ATIC: variants seen among roughly 807,000 people sequenced by gnomAD.
ATIC encodes bifunctional purine biosynthesis protein ATIC.
A neutral mutation model predicts 72.5 loss-of-function variants in ATIC; 64 were observed. That is an observed-to-expected ratio of 0.88 (90% CI 0.72 to 1.09). ATIC has a LOEUF of 1.09. Among genes scored for constraint, ATIC ranks in the 50% least tolerant of loss-of-function variants. ATIC has a pLI of 0.00. For synonymous variants in ATIC, 281 were observed against 267.1 expected (o/e 1.05, Z -0.51); for missense variants, 787 against 732.4 (o/e 1.07, Z -0.86).
chr2:215,336,174 C>A, intron 11 of ATIC, 50 bp downstream of exon 11: 1 of 1,363,874 alleles, frequency 7.3e-7, no homozygotes, highest in South Asian at 1.2e-5. Flanking sequence ...TATTCTGTGT[C>A]TCTTTCTCCC....
At chr2:215,313,782 T>C (rs1215207493) in intron 2 of ATIC, among the ~76,000 whole-genome samples, 1 of 152,156 alleles carries the variant, frequency 6.6e-6, no homozygotes, top group Non-Finnish European at 1.5e-5. Flanking sequence ...AACAAATACA[T>C]AACTGTATAT....
chr2:215,349,669 T>A lies in ATIC; in HGVS notation c.*14T>A. 1.9e-6 allele frequency: 3 copies of A among 1,614,150 alleles called. No homozygotes were observed. The highest frequency in any genetic ancestry group is 1.1e-5 in the South Asian group (1 of 91,082). On this transcript the variant is annotated 3_prime_UTR_variant, in exon 16 of 16. Transcript: ENST00000236959. The stretch of plus-strand genomic sequence containing the variant: ...TTCCACCACTGATTTTACCACACAC[T>A]GTTTTTTGGCTTGCTTATGTGTAGG...
downstream of ATIC, among the ~76,000 whole-genome samples, chr2:215,354,631 A>G (rs915209793): frequency 1.3e-5 from 2 of 152,004 alleles, no homozygotes; most frequent in Admixed American, 6.6e-5. Context: ...CCTACAATGT[A>G]TCCATTCTGC....
rs547121196 is a variant in ATIC, at chr2:215,327,558, A to G, written c.688+580A>G. The stretch of plus-strand genomic sequence containing the variant: ...TTTGTAGAGTTTAGAGAGGGTTTTT[A>G]AATGTGTGTCCTGTTCTGTTCCAAA... On this transcript the variant is annotated intron_variant, in intron 7 of 15. Transcript: ENST00000236959. Among the ~76,000 whole-genome samples the G allele has an allele frequency of 4.6e-5, 7 of 152,300 alleles. No homozygotes were observed. In the East Asian group the frequency reaches 7.7e-4, roughly 17 times the overall value.
chr2:215,365,746 C>T, the ATIC span: 8 of 860,128 alleles, frequency 9.3e-6, no homozygotes, highest in African/African-American at 1.0e-4. Context: ...GGAAAAATAG[C>T]AAGTTAAAGA....
the ATIC span, chr2:215,360,377 A>G: frequency 6.6e-6 from 1 of 152,240 alleles, no homozygotes; most frequent in Non-Finnish European, 1.5e-5. Flanking sequence ...ACCCAAAGTA[A>G]GACATGTTAG....
intron 7 of ATIC, among the ~76,000 whole-genome samples, chr2:215,328,834 C>T (rs1057387245): frequency 7.2e-5 from 11 of 151,972 alleles, no homozygotes; most frequent in African/African-American, 2.2e-4. Context: ...TCTCCTGCCT[C>T]GGCCTCTCAA....
At chr2:215,350,299 G>C (rs1011999305), downstream of ATIC, among the ~76,000 whole-genome samples, 1 of 152,096 alleles carries the variant, frequency 6.6e-6, no homozygotes, top group Admixed American at 6.6e-5. Flanking sequence ...ACCATGCCTG[G>C]CTAATTTTTG....
Position 215,326,104 on chromosome 2 carries a change from C to A in ATIC, c.497C>A (p.Thr166Asn). 6.2e-7 allele frequency: 1 copy of A among 1,614,084 alleles called. No homozygotes were observed. Among genetic ancestry groups the A allele is most frequent in the South Asian group, 1.1e-5 (1 of 91,076 alleles). ...TEMQSSESKDTSLETRRQLAL... is the reference protein window; with the variant it reads ...TEMQSSESKDNSLETRRQLAL... ...ATGCAGAGCTCCGAGAGTAAGGACA[C>A]CTCCTTGGAGACTAGACGCCAGTTA... Residue 166 changes from threonine (T) to asparagine (N), a missense_variant, in exon 6 of 16, where the codon ACC becomes AAC. Thr to Asn is a moderately conservative substitution (Grantham distance 65). Coordinates refer to ENST00000236959, the MANE Select transcript of ATIC (RefSeq NM_004044.7).
Position 215,335,019 on chromosome 2 carries a change from ATG to A in ATIC, c.1008+17_1008+18del. 2 of 1,582,828 alleles carry A rather than the reference ATG, an allele frequency of 1.3e-6. No individual in the cohort carries two copies. The highest frequency in any genetic ancestry group is 2.2e-5 in the South Asian group (2 of 90,422). ...TTTCCAGAGAAGTTAGTGGACATTC[ATG>A]TATCTTAATCTGTGTGTTGAATAAA... On this transcript the variant is annotated intron_variant, in intron 10 of 15. Transcript: ENST00000236959.
At chr2:215,331,243 G>T (rs1206925361) in intron 7 of ATIC, among the ~76,000 whole-genome samples, 2 of 151,952 alleles carry the variant, frequency 1.3e-5, no homozygotes, top group Non-Finnish European at 2.9e-5. Flanking sequence ...TGCAGGGACG[G>T]TTTTTTTCAC....
the ATIC span, chr2:215,361,760 C>G: frequency 1.0e-6 from 1 of 1,002,298 alleles, no homozygotes; most frequent in Non-Finnish European, 1.5e-6. Context: ...TTTCAAGAAC[C>G]TAGCAGCATA....
chr2:215,325,167 G>GT (rs753599464), intron 4 of ATIC, 74 bp from the exon 5 acceptor site: 13 of 1,131,278 alleles, frequency 1.1e-5, no homozygotes, highest in African/African-American at 9.2e-5. Flanking sequence ...GTACTGACTT[G>GT]TTTTTTTCCT....
downstream of ATIC, among the ~76,000 whole-genome samples, chr2:215,350,445 A>G (rs2053122033): frequency 6.6e-6 from 1 of 152,168 alleles, no homozygotes; most frequent in Middle Eastern, 3.4e-3. Flanking sequence ...CATGCCATTT[A>G]TTTTTAATCA....
Position 215,312,128 on chromosome 2 carries a change from C to G in ATIC, c.-15C>G. 4 of 1,528,658 alleles carry G rather than the reference C, an allele frequency of 2.6e-6. No individual in the cohort carries two copies. The African/African-American group carries it at 4.2e-5, about 16-fold the overall frequency. The allele number at this position is 1,528,658 out of a possible 1,614,324, so 94.7% of individuals were successfully genotyped here. ...CTGCTGCCTCCCGCTCGCCCTGAACCCAGTGCCTGCAGCCATGGCTCCCGG... is the reference window on the plus strand; with the variant it reads ...CTGCTGCCTCCCGCTCGCCCTGAACGCAGTGCCTGCAGCCATGGCTCCCGG... On this transcript the variant is annotated 5_prime_UTR_variant, in exon 1 of 16. Coordinates refer to ENST00000236959, the MANE Select transcript of ATIC (RefSeq NM_004044.7).
chr2:215,337,620 G>C (rs764852816), intron 11 of ATIC, among the ~76,000 whole-genome samples: 1 of 152,138 alleles, frequency 6.6e-6, no homozygotes, highest in South Asian at 2.1e-4. Context: ...GCCCGCCTCG[G>C]CCTCCCAAAG....
At chr2:215,345,115 A>G in intron 13 of ATIC, 2 of 543,806 alleles carry the variant, frequency 3.7e-6, no homozygotes. Flanking sequence ...AGGTTGGCAC[A>G]TTTTGGATTA....
At chr2:215,348,337 C>T (rs886835373) in intron 14 of ATIC, among the ~76,000 whole-genome samples, 6 of 151,946 alleles carry the variant, frequency 3.9e-5, no homozygotes, top group Non-Finnish European at 8.8e-5. Context: ...TTTGAAAACC[C>T]TTGGAACACA....
At chr2:215,361,909 T>C in the ATIC span, 9 of 1,597,424 alleles carry the variant, frequency 5.6e-6, no homozygotes, top group South Asian at 4.5e-5. Context: ...TGAAGAAAGA[T>C]ACCTGTAGAA....
Sources: gnomAD v4.1 joint callset for allele counts (sites outside exome capture counted in the v4.1 genomes callset) on GRCh38, gnomAD v4.1.1 for gene constraint, MANE v1.5 for transcripts, NCBI Gene and HGNC (gene_info 2026-07-23, HGNC 2026-07-21) for gene names.